Variants in ZNF571 observed in about 807,000 individuals in gnomAD.
The protein encoded by ZNF571 is zinc finger protein 571.
Under a neutral mutation model 7.7 loss-of-function variants are expected in ZNF571, and 4 were observed. The observed-to-expected ratio is 0.52, with a 90% CI of 0.25 to 1.18. ZNF571 has a LOEUF of 1.18. Among genes scored for constraint, ZNF571 ranks in the 50% most tolerant of loss-of-function variants. The pLI, the probability that ZNF571 is intolerant of heterozygous loss-of-function variation, is 0.14. For missense variants in ZNF571, 704 were observed against 726.9 expected (o/e 0.97, Z 0.36); for synonymous variants, 251 against 232.4 (o/e 1.08, Z -0.73).
chr19:37,565,013 T>G lies in ZNF571; in HGVS notation c.1415A>C (p.Lys472Thr). 1 of 1,614,026 alleles carries G rather than the reference T, an allele frequency of 6.2e-7. No individual in the cohort carries two copies. The highest frequency in any genetic ancestry group is 1.1e-5 in the South Asian group (1 of 91,078). ...CCCACATTCCTTACATTCATAATGT[T>G]TCTCACCATGAATTTTCTCATGTTG... ...LTQHEKIHGE[K>T]HYECKECGKT... The change falls in exon 4 of 4, where the codon AAA becomes ACA. Residue 472 changes from lysine to threonine, a missense_variant. Lys to Thr is a moderately conservative substitution (Grantham distance 78, BLOSUM62 -1). Coordinates refer to ENST00000451802, the MANE Select transcript of ZNF571 (RefSeq NM_016536.5).
At chr19:37,567,354 C>T (rs2042897068) in intron 3 of ZNF571, among the ~76,000 whole-genome samples, 1 of 152,162 alleles carries the variant, frequency 6.6e-6, no homozygotes, top group Non-Finnish European at 1.5e-5. Flanking sequence ...TCATAAATCT[C>T]CTTAGATGCT....
intron 2 of ZNF571, chr19:37,585,589 A>T (rs2043643313): frequency 6.6e-6 from 1 of 152,184 alleles, no homozygotes; most frequent in Non-Finnish European, 1.5e-5. Context: ...CCTGATATGG[A>T]GACAGAACTC....
In ZNF571 at chr19:37,564,640, T is replaced by C. The variant is rs1300580821; in HGVS notation, c.1788A>G (p.Arg596=). The C allele has an allele frequency of 3.2e-6, 5 of 1,582,106 alleles. No homozygotes were observed. In the South Asian group the frequency reaches 4.7e-5, roughly 15 times the overall value. Residue 596 remains arginine, a synonymous_variant, in exon 4 of 4, where the codon AGA becomes AGG. Transcript: ENST00000451802. ...YTCVQCGKDF[R]CPSQLTQHTR... ...TATGTTGAGTAAGTTGTGAAGGACA[T>C]CTAAAGTCTTTACCACACTGGACAC...
intron 1 of ZNF571, among the ~76,000 whole-genome samples, chr19:37,593,888 G>A (rs1263338480): frequency 6.6e-6 from 1 of 152,118 alleles, no homozygotes. Context: ...GGAAGATGTT[G>A]CTGGAGGTAG....
chr19:37,568,492 G>A (rs980023152), intron 3 of ZNF571, among the ~76,000 whole-genome samples: 3 of 151,642 alleles, frequency 2.0e-5, no homozygotes, highest in Admixed American at 1.3e-4. Flanking sequence ...ACACTATAAG[G>A]AATCAAATAA....
chr19:37,587,148 G>A (rs1476813249), intron 1 of ZNF571: 1 of 155,628 alleles, frequency 6.4e-6, no homozygotes, highest in Non-Finnish European at 1.4e-5. Context: ...AGACATATCA[G>A]GGTCAACAGA....
In ZNF571 at chr19:37,564,410, CATTAT is replaced by C; in HGVS notation, c.*183_*187del. The C allele has an allele frequency of 2.3e-6, 1 of 429,662 alleles. No homozygotes were observed. 26.6% of individuals were successfully genotyped at this position (429,662 alleles called of 1,614,324 possible). A position where few individuals can be genotyped will look rare whatever the true frequency, so the allele number is the denominator to read the frequency against. ...ATGCTTAATAAAGGATATAATTCAGCATTATATTCTAGCGTTTATAGAGATGTTAA... is the reference window on the plus strand; with the variant it reads ...ATGCTTAATAAAGGATATAATTCAGCATTCTAGCGTTTATAGAGATGTTAA... On this transcript the variant is annotated 3_prime_UTR_variant, in exon 4 of 4. Transcript: ENST00000451802.
At chr19:37,572,993 C>T (rs115066343) in intron 3 of ZNF571, among the ~76,000 whole-genome samples, 28 of 152,260 alleles carry the variant, frequency 1.8e-4, no homozygotes, top group African/African-American at 6.5e-4. Flanking sequence ...GTACTAGTAG[C>T]TTCTTTCATC....
At chr19:37,566,540 A>G (rs776987403) in intron 3 of ZNF571, 193 of 390,940 alleles carry the variant, frequency 4.9e-4, no homozygotes, top group Non-Finnish European at 6.9e-4. Context: ...TGGCTTAGAG[A>G]CACCCAGGAG....
At chr19:37,572,643 A>G (rs748427961) in intron 3 of ZNF571, among the ~76,000 whole-genome samples, 5 of 152,222 alleles carry the variant, frequency 3.3e-5, no homozygotes, top group Non-Finnish European at 7.3e-5. Flanking sequence ...CTAAGAAAGT[A>G]TGCAAGAACT....
chr19:37,585,195 T>C (rs2043627535), intron 2 of ZNF571: 1 of 152,208 alleles, frequency 6.6e-6, no homozygotes, highest in Admixed American at 6.5e-5. Flanking sequence ...CTCTCATTGG[T>C]TCCTGGGCAA....
At chr19:37,573,569 G>A (rs888754872) in intron 3 of ZNF571, among the ~76,000 whole-genome samples, 1 of 151,524 alleles carries the variant, frequency 6.6e-6, no homozygotes, top group Non-Finnish European at 1.5e-5. Context: ...GTTCACAACT[G>A]TAATGCTAGG....
At chr19:37,576,030 G>GGCATACAT (rs1484596269) in intron 3 of ZNF571, among the ~76,000 whole-genome samples, 1 of 150,278 alleles carries the variant, frequency 6.7e-6, no homozygotes, top group Non-Finnish European at 1.5e-5. Context: ...CTACAGGTAA[G>GGCATACAT]GCATACATGC....
chr19:37,591,878 G>T (rs2043878784), intron 1 of ZNF571, among the ~76,000 whole-genome samples: 1 of 151,956 alleles, frequency 6.6e-6, no homozygotes, highest in African/African-American at 2.4e-5. Flanking sequence ...AATACTTGAT[G>T]AAAAAAAGTT....
chr19:37,583,967 T>C lies in ZNF571; in HGVS notation c.136+4A>G. ...ATTCTGAATATTACGTAGGATGATC[T>C]TACCCAATGAGATCAGGTTGCTGTA... On this transcript the variant is annotated splice_donor_region_variant and intron_variant, in intron 3 of 3. Coordinates refer to ENST00000451802, the MANE Select transcript of ZNF571 (RefSeq NM_016536.5). 6.2e-7 allele frequency: 1 copy of C among 1,600,626 alleles called. No individual in the cohort carries two copies. Among genetic ancestry groups the C allele is most frequent in the Non-Finnish European group, 8.5e-7 (1 of 1,173,326 alleles).
At chr19:37,568,148 C>T (rs2042926870) in intron 3 of ZNF571, among the ~76,000 whole-genome samples, 2 of 152,150 alleles carry the variant, frequency 1.3e-5, no homozygotes, top group Admixed American at 6.6e-5. Flanking sequence ...CACAGGGTCT[C>T]TGACCACTGT....
intron 3 of ZNF571, among the ~76,000 whole-genome samples, chr19:37,581,450 ATTTCTTTC>A (rs767046208): frequency 6.2e-5 from 9 of 144,330 alleles, no homozygotes; most frequent in Non-Finnish European, 1.1e-4. Context: ...TTTTATCTCC[ATTTCTTTC>A]TTTCTTTCTT....
chr19:37,590,062 T>G (rs998970169), intron 1 of ZNF571, among the ~76,000 whole-genome samples: 11 of 151,596 alleles, frequency 7.3e-5, no homozygotes, highest in African/African-American at 2.7e-4. Flanking sequence ...AAATTAAATG[T>G]TTGATCCTAG....
Position 37,566,119 on chromosome 19 carries a change from C to A in ZNF571, c.309G>T (p.Gln103His). The change falls in exon 4 of 4, where the codon CAG (glutamine) becomes CAT (histidine). Residue 103 changes from glutamine to histidine, a missense_variant. Coordinates refer to ENST00000451802, the MANE Select transcript of ZNF571 (RefSeq NM_016536.5). ...KGNLEGQEAS[Q>H]EGLYMCVKIT... The stretch of plus-strand genomic sequence containing the variant: ...TTTTGACACACATGTAAAGCCCTTC[C>A]TGACTTGCTTCTTGACCCTCTAAGT... 6.2e-7 allele frequency: 1 copy of A among 1,614,032 alleles called. No homozygotes were observed. The highest frequency in any genetic ancestry group is 8.5e-7 in the Non-Finnish European group (1 of 1,179,922).
Sources: allele counts gnomAD v4.1 joint callset (sites outside exome capture counted in the v4.1 genomes callset), GRCh38; gene constraint gnomAD v4.1.1; transcripts MANE v1.5; gene names NCBI Gene and HGNC (gene_info 2026-07-23, HGNC 2026-07-21).